PITPNC1: variants seen among roughly 807,000 people sequenced by gnomAD.
PITPNC1 encodes phosphatidylinositol transfer protein cytoplasmic 1.
Under a neutral mutation model 44.7 loss-of-function variants are expected in PITPNC1, and 18 were observed. The observed-to-expected ratio is 0.40, with a 90% CI of 0.28 to 0.60. The LOEUF (loss-of-function observed/expected upper bound fraction) is 0.60. Among genes scored for constraint, PITPNC1 ranks in the 20% least tolerant of loss-of-function variants. PITPNC1 has a pLI of 0.39. For synonymous variants in PITPNC1, 141 were observed against 149.6 expected, an observed-to-expected ratio of 0.94 and a Z score of 0.42; for missense variants, 290 against 418.4, an observed-to-expected ratio of 0.69 and a Z score of 2.68.
intron 6 of PITPNC1, among the ~76,000 whole-genome samples, chr17:67,666,555 T>G (rs765692291): frequency 3.9e-5 from 6 of 152,204 alleles, no homozygotes; most frequent in Non-Finnish European, 7.3e-5. Flanking sequence ...GGCATATTAC[T>G]TTTATGCTAC....
At chr17:67,500,329 A>C (rs949038307) in intron 1 of PITPNC1, among the ~76,000 whole-genome samples, 1 of 152,226 alleles carries the variant, frequency 6.6e-6, no homozygotes, top group Non-Finnish European at 1.5e-5. Context: ...AAAAGGTATG[A>C]AATTCTGATA....
intron 1 of PITPNC1, among the ~76,000 whole-genome samples, chr17:67,417,997 G>A (rs1035414550): frequency 6.6e-6 from 1 of 152,180 alleles, no homozygotes; most frequent in African/African-American, 2.4e-5. Context: ...TGGACGTCCA[G>A]CCACTGTACT....
Position 67,428,939 on chromosome 17 carries a change from C to A in PITPNC1, c.48+50737C>A, listed in dbSNP as rs186494832. Reference sequence around the variant, plus strand: ...CACTGCAACCTCTGCCTCCCGGGTTCAAGCGATTCTCCTGCCTCAGCCTCC... The same window carrying A: ...CACTGCAACCTCTGCCTCCCGGGTTAAAGCGATTCTCCTGCCTCAGCCTCC... On this transcript the variant is annotated intron_variant, in intron 1 of 8. Transcript: ENST00000581322. 4.2e-3 allele frequency among the ~76,000 whole-genome samples: 601 copies of A among 144,680 alleles called. 7 individuals are homozygous for A. Among genetic ancestry groups the A allele is most frequent in the African/African-American group, 0.015 (578 of 39,358 alleles). 94.9% of individuals were successfully genotyped at this position (144,680 alleles called of 152,430 possible).
At chr17:67,687,274 A>G in intron 8 of PITPNC1, 1 of 725,512 alleles carries the variant, frequency 1.4e-6, no homozygotes, top group Non-Finnish European at 2.4e-6. Flanking sequence ...CCGGTTCGCA[A>G]CCTTCCATAG....
intron 5 of PITPNC1, among the ~76,000 whole-genome samples, chr17:67,616,326 A>G (rs1010091719): frequency 1.3e-5 from 2 of 152,140 alleles, no homozygotes; most frequent in South Asian, 2.1e-4. Flanking sequence ...TTTTTAGTAC[A>G]AAATGGGTTT....
intron 2 of PITPNC1, among the ~76,000 whole-genome samples, chr17:67,541,875 C>G (rs1184134388): frequency 6.6e-6 from 1 of 152,202 alleles, no homozygotes; most frequent in Non-Finnish European, 1.5e-5. Context: ...AAGACTTCGG[C>G]TCAGGTTAAG....
chr17:67,623,366 A>ATTTTC lies in PITPNC1; in HGVS notation c.367-8757_367-8753dup, dbSNP rs555642155. 1.1e-4 allele frequency among the ~76,000 whole-genome samples: 16 copies of ATTTTC among 151,854 alleles called. 1 individual carries two copies. The East Asian group carries it at 2.5e-3, about 24-fold the overall frequency. On this transcript the variant is annotated intron_variant, in intron 5 of 8. Coordinates refer to ENST00000581322, the MANE Select transcript of PITPNC1 (RefSeq NM_012417.4). ...CCCTTCAATTTTTAGAGGATAATAG[A>ATTTTC]TTTTCTTTTCTTTTCTTTTCTTTTT...
At chr17:67,548,343 C>G (rs2040712713) in intron 2 of PITPNC1, among the ~76,000 whole-genome samples, 2 of 152,218 alleles carry the variant, frequency 1.3e-5, no homozygotes, top group African/African-American at 4.8e-5. Flanking sequence ...GTAATCCCAA[C>G]ACTTTGGGAG....
chr17:67,378,876 G>T, intron 1 of PITPNC1: 2 of 566,908 alleles, frequency 3.5e-6, no homozygotes, highest in Non-Finnish European at 4.5e-6. Flanking sequence ...GAGCGGCGGG[G>T]GCTGCGACGC....
chr17:67,607,534 T>C (rs1236708615), intron 5 of PITPNC1, among the ~76,000 whole-genome samples: 1 of 152,166 alleles, frequency 6.6e-6, no homozygotes, highest in Non-Finnish European at 1.5e-5. Flanking sequence ...CTTTTACACT[T>C]CTTATTTGGA....
chr17:67,622,514 C>CT (rs1254933576), intron 5 of PITPNC1, among the ~76,000 whole-genome samples: 34,697 of 118,884 alleles, frequency 0.29, 5,176 homozygotes, highest in East Asian at 0.46. Context: ...GTAGCCTGGA[C>CT]TTTTTTTTTT....
chr17:67,385,784 G>A (rs992501201), intron 1 of PITPNC1, among the ~76,000 whole-genome samples: 8 of 152,018 alleles, frequency 5.3e-5, no homozygotes, highest in Non-Finnish European at 7.4e-5. Context: ...GGGAAAGGAG[G>A]GCGGGTAAAT....
chr17:67,431,149 C>T (rs1032884412), intron 1 of PITPNC1, among the ~76,000 whole-genome samples: 1 of 150,340 alleles, frequency 6.7e-6, no homozygotes, highest in African/African-American at 2.4e-5. Flanking sequence ...AGCTCCACCT[C>T]CCGGGTTCAA....
chr17:67,547,044 A>T (rs1187983444), intron 2 of PITPNC1, among the ~76,000 whole-genome samples: 1 of 152,202 alleles, frequency 6.6e-6, no homozygotes, highest in African/African-American at 2.4e-5. Context: ...AAGGAAACAA[A>T]AGGTCAGTAT....
chr17:67,525,963 G>GAT (rs1555661877), intron 1 of PITPNC1, among the ~76,000 whole-genome samples: 1 of 152,186 alleles, frequency 6.6e-6, no homozygotes, highest in Non-Finnish European at 1.5e-5. Context: ...TATGGCGTCC[G>GAT]CCCATTTTGA....
intron 2 of PITPNC1, among the ~76,000 whole-genome samples, chr17:67,543,100 T>A (rs2040630866): frequency 6.6e-6 from 1 of 152,078 alleles, no homozygotes; most frequent in Admixed American, 6.6e-5. Flanking sequence ...GAAAGGACAT[T>A]TCATGGAAAG....
At chr17:67,599,022 ATATATATATATATTT>A (rs145139117) in intron 5 of PITPNC1, among the ~76,000 whole-genome samples, 11 of 41,804 alleles carry the variant, frequency 2.6e-4, no homozygotes, top group African/African-American at 9.9e-4. Flanking sequence ...ATATATATAT[ATATATATATATATTT>A]TTTTTTTTTT....
chr17:67,664,800 G>A (rs2042398310), intron 6 of PITPNC1, among the ~76,000 whole-genome samples: 1 of 151,756 alleles, frequency 6.6e-6, no homozygotes, highest in Non-Finnish European at 1.5e-5. Flanking sequence ...AGCTACTCGG[G>A]AGTCTGAGGC....
intron 5 of PITPNC1, among the ~76,000 whole-genome samples, chr17:67,584,571 A>C (rs934985593): frequency 6.6e-6 from 1 of 152,184 alleles, no homozygotes; most frequent in African/African-American, 2.4e-5. Context: ...TAATGCTTCC[A>C]TCAGGGTGTA....
Sources: allele counts gnomAD v4.1 joint callset (sites outside exome capture counted in the v4.1 genomes callset), GRCh38; gene constraint gnomAD v4.1.1; transcripts MANE v1.5; gene names NCBI Gene and HGNC (gene_info 2026-07-23, HGNC 2026-07-21).